GPN1: variants seen among roughly 807,000 people sequenced by gnomAD.
GPN1 encodes GPN-loop GTPase 1.
In GPN1, 44 loss-of-function variants were observed where a neutral mutation model predicts 55.9. The ratio of observed to expected loss-of-function variants is 0.79; its 90% confidence interval spans 0.62 to 1.01. GPN1 has a LOEUF of 1.01. Among genes scored for constraint, GPN1 ranks in the 50% least tolerant of loss-of-function variants. The pLI is 0.00. For synonymous variants in GPN1, 179 were observed against 162.5 expected, an observed-to-expected ratio of 1.10 and a Z score of -0.77; for missense variants, 466 against 462.8, an observed-to-expected ratio of 1.01 and a Z score of -0.06.
chr2:27,636,165 GTGA>G (rs1238440525), intron 7 of GPN1, among the ~76,000 whole-genome samples: 1 of 152,132 alleles, frequency 6.6e-6, no homozygotes, highest in Non-Finnish European at 1.5e-5. Flanking sequence ...GGAGTGAGCT[GTGA>G]TGATGTCACT....
intron 12 of GPN1, 123 bp downstream of exon 12, chr2:27,642,642 C>T: frequency 1.6e-6 from 1 of 613,110 alleles, no homozygotes; most frequent in Non-Finnish European, 3.0e-6. Flanking sequence ...CGGCTCACCA[C>T]AACCTCCACC....
intron 7 of GPN1, among the ~76,000 whole-genome samples, chr2:27,637,506 G>A (rs940301581): frequency 6.6e-6 from 1 of 151,936 alleles, no homozygotes; most frequent in African/African-American, 2.4e-5. Context: ...CTCAATAAAG[G>A]TAGGGGTAGA....
At position 27,640,024 on chromosome 2, in the gene GPN1, T is replaced by G; in HGVS notation, c.718-19T>G. ...TATACAATGGTTTCTTTAGTGGCAT[T>G]TATGATGCTTTTTGGCAGGTGGTGG... On this transcript the variant is annotated intron_variant, in intron 9 of 13. Coordinates refer to ENST00000610189, the MANE Select transcript of GPN1 (RefSeq NM_007266.4). 6.6e-7 allele frequency: 1 copy of G among 1,526,322 alleles called. No individual in the cohort carries two copies. The highest frequency in any genetic ancestry group is 9.1e-7 in the Non-Finnish European group (1 of 1,100,926). The allele number at this position is 1,526,322 out of a possible 1,614,324, so 94.5% of individuals were successfully genotyped here.
chr2:27,632,026 T>C (rs770069065), intron 4 of GPN1, 126 bp downstream of exon 4: 3 of 690,086 alleles, frequency 4.3e-6, no homozygotes, highest in Non-Finnish European at 7.9e-6. Context: ...TAAGTAGGCA[T>C]TTTGTCAGAC....
chr2:27,641,919 G>C (rs1370846216), intron 11 of GPN1: 1 of 153,526 alleles, frequency 6.5e-6, no homozygotes, highest in East Asian at 1.9e-4. Context: ...CCAAATGATC[G>C]AGTGTCCTGC....
At chr2:27,646,333 TG>T (rs1273574622) in intron 12 of GPN1, among the ~76,000 whole-genome samples, 1 of 152,162 alleles carries the variant, frequency 6.6e-6, no homozygotes, top group African/African-American at 2.4e-5. Flanking sequence ...TGAGCCACCA[TG>T]CCCAGCCCCA....
chr2:27,641,617 A>G (rs1673954004), intron 11 of GPN1, among the ~76,000 whole-genome samples: 1 of 152,178 alleles, frequency 6.6e-6, no homozygotes, highest in Non-Finnish European at 1.5e-5. Flanking sequence ...TTGTTGAGAA[A>G]GGGTCTCACT....
intron 2 of GPN1, 108 bp from the exon 3 acceptor site, chr2:27,630,919 G>T: frequency 1.4e-6 from 1 of 705,734 alleles, no homozygotes; most frequent in South Asian, 1.5e-5. Flanking sequence ...AAGTGGAGGT[G>T]GTAGAAGAGA....
At chr2:27,647,815 T>A in intron 12 of GPN1, 21 bp from the exon 13 acceptor site, 1 of 1,411,578 alleles carries the variant, frequency 7.1e-7, no homozygotes, top group Non-Finnish European at 1.0e-6. Context: ...GGCATATCAC[T>A]GATAGGTGTT....
intron 12 of GPN1, among the ~76,000 whole-genome samples, chr2:27,642,988 C>CACACACAT (rs754867952): frequency 2.1e-4 from 31 of 150,780 alleles, no homozygotes; most frequent in Admixed American, 8.0e-4. Flanking sequence ...CACACACACA[C>CACACACAT]ACACACATAC....
chr2:27,628,787 A>G (rs1330277724), upstream of GPN1: 2 of 1,519,872 alleles, frequency 1.3e-6, no homozygotes, highest in African/African-American at 2.8e-5. Flanking sequence ...CCTCCGGGAG[A>G]CAAAAGCCCT....
At chr2:27,642,827 A>C (rs930588029) in intron 12 of GPN1, among the ~76,000 whole-genome samples, 11 of 151,900 alleles carry the variant, frequency 7.2e-5, no homozygotes, top group Non-Finnish European at 1.6e-4. Flanking sequence ...GGCCTCCCAA[A>C]ATGCTGGGAT....
At chr2:27,646,410 T>A (rs1674234389) in intron 12 of GPN1, among the ~76,000 whole-genome samples, 2 of 152,260 alleles carry the variant, frequency 1.3e-5, no homozygotes, top group African/African-American at 4.8e-5. Context: ...TTCTGGACCG[T>A]TACATCTTAT....
chr2:27,633,199 C>A (rs1383722143), intron 5 of GPN1, among the ~76,000 whole-genome samples: 4 of 152,204 alleles, frequency 2.6e-5, no homozygotes, highest in Non-Finnish European at 5.9e-5. Flanking sequence ...CCCCGATTCC[C>A]ACTAGAAGTA....
chr2:27,631,329 G>A lies in GPN1; in HGVS notation c.245+263G>A, dbSNP rs1360447920. On this transcript the variant is annotated intron_variant, in intron 3 of 13. Coordinates refer to ENST00000610189, the MANE Select transcript of GPN1 (RefSeq NM_007266.4). Reference sequence around the variant, plus strand: ...ACTGACAGCTACCTGGGTCCCACAAGGTAGTATTTTGCCTTGGAGGATCAT... The same window carrying A: ...ACTGACAGCTACCTGGGTCCCACAAAGTAGTATTTTGCCTTGGAGGATCAT... 8 of 509,876 alleles carry A rather than the reference G, an allele frequency of 1.6e-5. No individual in the cohort carries two copies. In the South Asian group the frequency reaches 1.7e-4, roughly 11 times the overall value. 31.6% of individuals were successfully genotyped at this position (509,876 alleles called of 1,614,324 possible). A position where few individuals can be genotyped will look rare whatever the true frequency, so the allele number is the denominator to read the frequency against.
chr2:27,650,898 G>GCAAA lies in GPN1; in HGVS notation c.*701_*704dup, dbSNP rs1216390703. 5.2e-5 allele frequency: 8 copies of GCAAA among 152,690 alleles called. No homozygotes were observed. Among genetic ancestry groups the GCAAA allele is most frequent in the African/African-American group, 1.7e-4 (7 of 41,400 alleles). 9.5% of individuals were successfully genotyped at this position (152,690 alleles called of 1,614,324 possible). A position where few individuals can be genotyped will look rare whatever the true frequency, so the allele number is the denominator to read the frequency against. On this transcript the variant is annotated 3_prime_UTR_variant, in exon 14 of 14. Coordinates refer to ENST00000610189, the MANE Select transcript of GPN1 (RefSeq NM_007266.4). ...TTTCAAATTAGAAAATTATATAATT[G>GCAAA]CAAACAGCTTCACTTCTCCTGTTCA...
At chr2:27,630,613 C>T (rs1037811542) in intron 2 of GPN1, among the ~76,000 whole-genome samples, 1 of 152,000 alleles carries the variant, frequency 6.6e-6, no homozygotes, top group African/African-American at 2.4e-5. Context: ...AATCCTCCTG[C>T]CTTGGCCTCC....
intron 12 of GPN1, among the ~76,000 whole-genome samples, chr2:27,645,159 C>T (rs1298700587): frequency 6.6e-6 from 1 of 151,922 alleles, no homozygotes; most frequent in African/African-American, 2.4e-5. Flanking sequence ...TTAATAGAGA[C>T]GAGGTCTCAC....
chr2:27,629,070 C>T lies in GPN1; in HGVS notation c.12C>T (p.Ser4=), dbSNP rs767727101. The T allele has an allele frequency of 2.0e-5, 33 of 1,614,058 alleles. No individual in the cohort carries two copies. The highest frequency in any genetic ancestry group is 1.8e-4 in the East Asian group (8 of 44,894). Residue 4 remains serine (S), a synonymous_variant, in exon 1 of 14, where the codon TCC becomes TCT. Transcript: ENST00000610189. ...GGGCCAGGAGGAAGATGGCGGCGTC[C>T]GCAGCTGCCGCTGAGCTCCAGGCTT... MAA[S]AAAAELQASG... is the part of the protein sequence containing the mutation.
Sources: allele counts gnomAD v4.1 joint callset (sites outside exome capture counted in the v4.1 genomes callset), GRCh38; gene constraint gnomAD v4.1.1; transcripts MANE v1.5; gene names NCBI Gene and HGNC (gene_info 2026-07-23, HGNC 2026-07-21).